EPB41L3: variants seen among roughly 807,000 people sequenced by gnomAD.
EPB41L3 encodes band 4.1-like protein 3.
EPB41L3 carries 57 observed loss-of-function variants against 127.1 expected under a neutral mutation model. The observed-to-expected ratio is 0.45, with a 90% CI of 0.36 to 0.56. EPB41L3 has a LOEUF of 0.56. Among genes scored for constraint, EPB41L3 ranks in the 20% least tolerant of loss-of-function variants. The pLI is 0.00. For missense variants in EPB41L3, 1,273 were observed against 1,372.2 expected, an observed-to-expected ratio of 0.93 and a Z score of 1.14; for synonymous variants, 572 against 549.5, an observed-to-expected ratio of 1.04 and a Z score of -0.57.
At chr18:5,427,775 T>C (rs1288905273) in intron 9 of EPB41L3, among the ~76,000 whole-genome samples, 2 of 152,076 alleles carry the variant, frequency 1.3e-5, no homozygotes, top group Non-Finnish European at 2.9e-5. Flanking sequence ...AGACGGAGTC[T>C]CGCTCTGTTG....
chr18:5,413,318 C>T (rs1598615800), intron 13 of EPB41L3, among the ~76,000 whole-genome samples: 2 of 152,008 alleles, frequency 1.3e-5, no homozygotes, highest in Non-Finnish European at 2.9e-5. Flanking sequence ...TGATATCCTG[C>T]CCCTTATTTG....
Position 5,488,997 on chromosome 18 carries a change from T to C in EPB41L3, c.183+4A>G. 6.3e-7 allele frequency: 1 copy of C among 1,575,752 alleles called. No individual in the cohort carries two copies. The highest frequency in any genetic ancestry group is 8.5e-7 in the Non-Finnish European group (1 of 1,171,476). On this transcript the variant is annotated splice_donor_region_variant and intron_variant, in intron 2 of 22. Coordinates refer to ENST00000341928, the MANE Select transcript of EPB41L3 (RefSeq NM_012307.5). ...GCGTCATTAGTTTTCTGGCCTGGGC[T>C]CACCTCCCTCCGCACCGGGGTGCTG...
intron 16 of EPB41L3, chr18:5,401,041 G>C (rs1343038978): frequency 6.5e-7 from 1 of 1,532,524 alleles, no homozygotes; most frequent in Admixed American, 2.0e-5. Context: ...TTTCTTCTTT[G>C]GTCTGTTTGA....
chr18:5,504,871 G>A (rs959220912), intron 1 of EPB41L3, among the ~76,000 whole-genome samples: 3 of 152,104 alleles, frequency 2.0e-5, no homozygotes. Flanking sequence ...ATGACCTGCA[G>A]TGCTCCAGGT....
chr18:5,511,157 T>C (rs1439444950), intron 1 of EPB41L3, among the ~76,000 whole-genome samples: 1 of 151,996 alleles, frequency 6.6e-6, no homozygotes, highest in Admixed American at 6.6e-5. Context: ...AGACAACAGA[T>C]TATCATCCAC....
intron 9 of EPB41L3, among the ~76,000 whole-genome samples, chr18:5,427,757 T>G (rs1424685425): frequency 2.0e-5 from 3 of 152,190 alleles, no homozygotes; most frequent in Non-Finnish European, 4.4e-5. Context: ...GGAATTTTTT[T>G]TTTTTTGAGA....
rs541430853 is a variant in EPB41L3 at position 5,586,704 on chromosome 18, T to C, written c.-306+25636A>G. 1.8e-4 allele frequency among the ~76,000 whole-genome samples: 27 copies of C among 152,112 alleles called. No individual in the cohort carries two copies. In the South Asian group the frequency reaches 5.6e-3, roughly 32 times the overall value. On this transcript the variant is annotated intron_variant, in intron 3 of 21. Transcript: ENST00000545076. ...GGCATGAGCTACAGTGCCAAACTTA[T>C]ATTGTGATTTTCTGTGTGTGGTATT...
chr18:5,502,135 G>A (rs1052159892), intron 1 of EPB41L3, among the ~76,000 whole-genome samples: 4 of 152,144 alleles, frequency 2.6e-5, no homozygotes, highest in African/African-American at 7.2e-5. Flanking sequence ...TTCTGACTAC[G>A]GGAGTTGAAT....
intron 6 of EPB41L3, among the ~76,000 whole-genome samples, chr18:5,436,360 T>C (rs1048051378): frequency 1.3e-5 from 2 of 151,934 alleles, no homozygotes; most frequent in Non-Finnish European, 2.9e-5. Context: ...TCTACAAATA[T>C]TACATGAGTC....
At chr18:5,602,588 G>T (rs1195402413) in intron 3 of EPB41L3, among the ~76,000 whole-genome samples, 2 of 152,204 alleles carry the variant, frequency 1.3e-5, no homozygotes, top group African/African-American at 4.8e-5. Context: ...GGGACTACAG[G>T]CATGTGCCAC....
intron 14 of EPB41L3, among the ~76,000 whole-genome samples, chr18:5,409,530 C>T (rs957348893): frequency 6.6e-6 from 1 of 151,936 alleles, no homozygotes; most frequent in Non-Finnish European, 1.5e-5. Flanking sequence ...ATGTTAAAAA[C>T]TTATGATTTT....
rs891105570 is a variant in EPB41L3, at chr18:5,397,964, G to A, written c.2472+57C>T. On this transcript the variant is annotated intron_variant, in intron 17 of 22. Transcript: ENST00000341928. The surrounding 1 kb of genome is among the most constrained non-coding windows in gnomAD (Gnocchi z 4.1). Reference sequence around the variant, plus strand: ...CCACACACTCACGCCCAAAAAAAGGGTAAGGAAAGGCACATGGGCACATTC... The same window carrying A: ...CCACACACTCACGCCCAAAAAAAGGATAAGGAAAGGCACATGGGCACATTC... The A allele has an allele frequency of 1.2e-6, 2 of 1,610,348 alleles. No homozygotes were observed. The highest frequency in any genetic ancestry group is 1.7e-6 in the Non-Finnish European group (2 of 1,177,980).
intron 3 of EPB41L3, among the ~76,000 whole-genome samples, chr18:5,601,787 C>T (rs1281539642): frequency 6.6e-6 from 1 of 152,136 alleles, no homozygotes; most frequent in Non-Finnish European, 1.5e-5. Context: ...TGATGTTTTC[C>T]TCATCCTTTC....
chr18:5,574,789 T>C (rs2094321215), intron 3 of EPB41L3, among the ~76,000 whole-genome samples: 1 of 152,198 alleles, frequency 6.6e-6, no homozygotes, highest in South Asian at 2.1e-4. Context: ...CCTTGGCAGC[T>C]TGTGCCTGGT....
intron 3 of EPB41L3, among the ~76,000 whole-genome samples, chr18:5,556,365 A>C (rs1158963986): frequency 6.6e-6 from 1 of 152,188 alleles, no homozygotes; most frequent in Non-Finnish European, 1.5e-5. Context: ...TTGAGCAGCT[A>C]CTCTGGGTAG....
chr18:5,603,781 T>G (rs531301212), intron 3 of EPB41L3, among the ~76,000 whole-genome samples: 2 of 152,052 alleles, frequency 1.3e-5, no homozygotes, highest in South Asian at 4.1e-4. Flanking sequence ...CTTGGGAGAC[T>G]GAGGTGGGAG....
rs140168880 is a variant in EPB41L3 at position 5,489,758 on chromosome 18, G to C, written c.-11-564C>G. On this transcript the variant is annotated intron_variant, in intron 1 of 22. Coordinates refer to ENST00000341928, the MANE Select transcript of EPB41L3 (RefSeq NM_012307.5). ...CTGAGCTACAACAGCAGCTTCTTCA[G>C]GGACTCGGGATCTGTCCCACTGGCC... 1.8e-3 allele frequency among the ~76,000 whole-genome samples: 271 copies of C among 152,306 alleles called. 1 individual carries two copies. The highest frequency in any genetic ancestry group is 5.7e-3 in the African/African-American group (236 of 41,562).
upstream of EPB41L3, among the ~76,000 whole-genome samples, chr18:5,629,415 CCACA>C (rs61034629): frequency 8.7e-3 from 1,250 of 143,814 alleles, 3 homozygotes; most frequent in African/African-American, 0.018. Flanking sequence ...TCCTTACACA[CCACA>C]CACACACACA....
intron 3 of EPB41L3, among the ~76,000 whole-genome samples, chr18:5,451,028 T>C (rs1008757599): frequency 5.3e-5 from 8 of 152,212 alleles, no homozygotes; most frequent in Non-Finnish European, 1.0e-4. Context: ...CTGATGACCA[T>C]TGCCCTGTAT....
Sources: allele counts gnomAD v4.1 joint callset (sites outside exome capture counted in the v4.1 genomes callset), GRCh38; gene constraint gnomAD v4.1.1; non-coding constraint Gnocchi (gnomAD v3.1); transcripts MANE v1.5; gene names NCBI Gene and HGNC (gene_info 2026-07-23, HGNC 2026-07-21).